RAB11FIP4: variants seen among roughly 807,000 people sequenced by gnomAD.
RAB11FIP4 encodes the protein rab11 family-interacting protein 4.
RAB11FIP4 carries 23 observed loss-of-function variants against 74.3 expected under a neutral mutation model. That is an observed-to-expected ratio of 0.31 (90% CI 0.22 to 0.44). The LOEUF is 0.44. Ranked by LOEUF, RAB11FIP4 falls within the 20% of genes least tolerant of loss-of-function variation. The probability of loss-of-function intolerance (pLI) is 1.00; values close to 1 mark genes in which losing one functional copy is unlikely to be tolerated. For synonymous variants in RAB11FIP4, 360 were observed against 359.9 expected (o/e 1.00, Z 0.00); for missense variants, 630 against 863.9 (o/e 0.73, Z 3.39).
intron 1 of RAB11FIP4, among the ~76,000 whole-genome samples, chr17:31,397,624 T>G (rs1220042889): frequency 6.6e-6 from 1 of 152,160 alleles, no homozygotes; most frequent in African/African-American, 2.4e-5. Flanking sequence ...CAGAGAGATG[T>G]TCTCTTTCCT....
chr17:31,523,789 T>C, intron 8 of RAB11FIP4, 104 bp from the exon 9 acceptor site: 1 of 1,029,764 alleles, frequency 9.7e-7, no homozygotes, highest in South Asian at 1.3e-5. Flanking sequence ...CGTTCTCAGA[T>C]ACACAGTGGT....
At chr17:31,464,824 G>A (rs2071669362) in intron 3 of RAB11FIP4, among the ~76,000 whole-genome samples, 1 of 139,258 alleles carries the variant, frequency 7.2e-6, no homozygotes, top group African/African-American at 2.7e-5. Context: ...GCAGTGGCAC[G>A]ATCTTGGCTT....
chr17:31,397,664 T>C (rs2070943352), intron 1 of RAB11FIP4, among the ~76,000 whole-genome samples: 1 of 152,070 alleles, frequency 6.6e-6, no homozygotes, highest in Non-Finnish European at 1.5e-5. Context: ...CTCCTGAGGT[T>C]GGAGGTCATC....
chr17:31,396,249 C>T, intron 1 of RAB11FIP4, among the ~76,000 whole-genome samples: 1 of 151,622 alleles, frequency 6.6e-6, no homozygotes. Context: ...GGGATGGGGG[C>T]ACACCACTGC....
intron 1 of RAB11FIP4, among the ~76,000 whole-genome samples, chr17:31,396,261 C>G (rs888904083): frequency 1.6e-4 from 24 of 151,950 alleles, no homozygotes; most frequent in Non-Finnish European, 2.5e-4. Context: ...CACCACTGCC[C>G]TGATCCTGAA....
chr17:31,395,254 A>T (rs2070917995), intron 1 of RAB11FIP4, among the ~76,000 whole-genome samples: 2 of 152,228 alleles, frequency 1.3e-5, no homozygotes. Flanking sequence ...ATGATAATAA[A>T]TAAATAGGAA....
chr17:31,481,050 TAATGAAGGAATGACTGAAAG>T (rs1776109706), intron 3 of RAB11FIP4, among the ~76,000 whole-genome samples: 1 of 152,054 alleles, frequency 6.6e-6, no homozygotes, highest in South Asian at 2.1e-4. Context: ...ATGAAGGAAT[TAATGAAGGAATGACTGAAAG>T]AATGAAGGAA....
chr17:31,409,376 G>A (rs2071072019), intron 1 of RAB11FIP4, among the ~76,000 whole-genome samples: 1 of 152,100 alleles, frequency 6.6e-6, no homozygotes, highest in Non-Finnish European at 1.5e-5. Flanking sequence ...ATGTTTCAAC[G>A]ATGCTTGCTA....
intron 3 of RAB11FIP4, chr17:31,487,961 CCCCCGCCCCCG>C: frequency 1.4e-6 from 1 of 716,506 alleles, no homozygotes; most frequent in South Asian, 6.3e-5. Context: ...CTGTCCTCCG[CCCCCGCCCCCG>C]CCCCGCCCCG....
chr17:31,441,625 T>C (rs2071407962), intron 3 of RAB11FIP4, among the ~76,000 whole-genome samples: 1 of 151,834 alleles, frequency 6.6e-6, no homozygotes, highest in African/African-American at 2.4e-5. Context: ...CCTCCCGGGT[T>C]CAAGCAATTC....
chr17:31,515,504 C>G (rs1170927743), intron 3 of RAB11FIP4, among the ~76,000 whole-genome samples: 2 of 143,152 alleles, frequency 1.4e-5, no homozygotes, highest in African/African-American at 4.9e-5. Flanking sequence ...GGGACGGACC[C>G]CCAGGAGGGC....
Position 31,475,772 on chromosome 17 carries a change from G to A in RAB11FIP4, c.336+41650G>A, listed in dbSNP as rs140962075. On this transcript the variant is annotated intron_variant, in intron 3 of 14. Coordinates refer to ENST00000621161, the MANE Select transcript of RAB11FIP4 (RefSeq NM_032932.6). ...AAGTGTCCTCTTCACGGTCTAGTTA[G>A]TGCCACGTTTTCTGCATTTTTGTGT... is the stretch of plus-strand genomic sequence containing the variant. 9.3e-5 allele frequency among the ~76,000 whole-genome samples: 14 copies of A among 149,870 alleles called. No homozygotes were observed. The East Asian group carries it at 1.4e-3, about 15-fold the overall frequency.
chr17:31,453,297 G>GC (rs1168190897), intron 3 of RAB11FIP4, among the ~76,000 whole-genome samples: 1 of 141,394 alleles, frequency 7.1e-6, no homozygotes, highest in Non-Finnish European at 1.5e-5. Context: ...GCTGCAGTGA[G>GC]CTATTATATT....
chr17:31,468,639 G>A (rs2071708772), intron 3 of RAB11FIP4, among the ~76,000 whole-genome samples: 1 of 152,006 alleles, frequency 6.6e-6, no homozygotes, highest in Admixed American at 6.6e-5. Context: ...GACCATCCTG[G>A]CCAACATGGT....
chr17:31,482,517 GGAGACAGAGGTTGCAGT>G (rs1376171043), intron 3 of RAB11FIP4, among the ~76,000 whole-genome samples: 1 of 151,906 alleles, frequency 6.6e-6, no homozygotes, highest in African/African-American at 2.4e-5. Context: ...CCTGAACCCA[GGAGACAGAGGTTGCAGT>G]GAGCAAAGAT....
intron 3 of RAB11FIP4, among the ~76,000 whole-genome samples, chr17:31,458,673 T>A (rs1358379511): frequency 6.6e-6 from 1 of 152,192 alleles, no homozygotes; most frequent in Non-Finnish European, 1.5e-5. Flanking sequence ...CATGTGCACC[T>A]CTGGGCCTCC....
intron 3 of RAB11FIP4, among the ~76,000 whole-genome samples, chr17:31,442,084 C>T (rs558395438): frequency 7.2e-5 from 11 of 151,806 alleles, no homozygotes; most frequent in East Asian, 3.9e-4. Flanking sequence ...CCGCAAGCTC[C>T]GCCTCCTGGG....
At chr17:31,443,668 GAGAGGCCGAGGTGGGC>G (rs2071425622) in intron 3 of RAB11FIP4, among the ~76,000 whole-genome samples, 1 of 152,230 alleles carries the variant, frequency 6.6e-6, no homozygotes, top group African/African-American at 2.4e-5. Flanking sequence ...CCAGCACTTT[GAGAGGCCGAGGTGGGC>G]AGATCACTTG....
At chr17:31,428,300 TATAA>T (rs1264634941) in intron 1 of RAB11FIP4, among the ~76,000 whole-genome samples, 1 of 152,198 alleles carries the variant, frequency 6.6e-6, no homozygotes, top group African/African-American at 2.4e-5. Flanking sequence ...ACGTGGTCCC[TATAA>T]ATAGATGAAT....
Sources: gnomAD v4.1 joint callset for allele counts (sites outside exome capture counted in the v4.1 genomes callset) on GRCh38, gnomAD v4.1.1 for gene constraint, MANE v1.5 for transcripts, NCBI Gene and HGNC (gene_info 2026-07-23, HGNC 2026-07-21) for gene names.